SLC13A4: variants seen among roughly 807,000 people sequenced by gnomAD.
The protein encoded by SLC13A4 is Na(+)/sulfate cotransporter SUT-1.
SLC13A4 carries 28 observed loss-of-function variants against 72.7 expected under a neutral mutation model. The ratio of observed to expected loss-of-function variants is 0.39; its 90% confidence interval spans 0.29 to 0.53. The LOEUF (loss-of-function observed/expected upper bound fraction) is 0.53, where lower values mean the gene tolerates loss of function less well. Ranked by LOEUF, SLC13A4 falls within the 20% of genes least tolerant of loss-of-function variation. SLC13A4 has a pLI of 0.78. For missense variants in SLC13A4, 653 were observed against 788.0 expected (o/e 0.83, Z 2.05); for synonymous variants, 312 against 325.5 (o/e 0.96, Z 0.45).
intron 7 of SLC13A4, among the ~76,000 whole-genome samples, chr7:135,700,783 T>C (rs539960042): frequency 6.6e-6 from 1 of 152,294 alleles, no homozygotes; most frequent in Non-Finnish European, 1.5e-5. Flanking sequence ...TAGCTGGGAC[T>C]ACAGGCATGC....
intron 2 of SLC13A4, among the ~76,000 whole-genome samples, chr7:135,711,528 C>T (rs1796299864): frequency 6.6e-6 from 1 of 152,176 alleles, no homozygotes; most frequent in Non-Finnish European, 1.5e-5. Context: ...GCAGCACTAT[C>T]CGTATCTCAG....
chr7:135,706,751 A>T (rs1796172970), intron 3 of SLC13A4, among the ~76,000 whole-genome samples: 1 of 152,224 alleles, frequency 6.6e-6, no homozygotes, highest in South Asian at 2.1e-4. Flanking sequence ...CATAGATATC[A>T]GTGACCCAAT....
At chr7:135,713,612 C>T (rs539342129) in intron 2 of SLC13A4, among the ~76,000 whole-genome samples, 1 of 152,242 alleles carries the variant, frequency 6.6e-6, no homozygotes, top group South Asian at 2.1e-4. Flanking sequence ...GAGTCTCACT[C>T]TGTTGCCCAG....
chr7:135,703,394 A>ACTCTCATGTTCTCACTGG (rs1563163299), intron 5 of SLC13A4: 1 of 157,930 alleles, frequency 6.3e-6, no homozygotes, highest in Non-Finnish European at 1.4e-5. Context: ...GTTCTCACTG[A>ACTCTCATGTTCTCACTGG]CTGACTCTGG....
intron 1 of SLC13A4, among the ~76,000 whole-genome samples, chr7:135,723,067 A>G (rs1796580715): frequency 6.6e-6 from 1 of 152,146 alleles, no homozygotes; most frequent in African/African-American, 2.4e-5. Context: ...CCACTGTGAC[A>G]AGCAAAAAAC....
intron 2 of SLC13A4, among the ~76,000 whole-genome samples, chr7:135,715,428 A>T (rs879848527): frequency 2.7e-5 from 4 of 148,558 alleles, no homozygotes; most frequent in Non-Finnish European, 4.5e-5. Flanking sequence ...TGAGTGTGTG[A>T]GCGTGTGTAT....
intron 11 of SLC13A4, 45 bp downstream of exon 11, chr7:135,692,278 T>C (rs1795804999): frequency 9.6e-6 from 13 of 1,348,854 alleles, no homozygotes; most frequent in African/African-American, 1.4e-5. Flanking sequence ...GCCTGAAGAA[T>C]TGGGGTGAGG....
chr7:135,692,207 A>G (rs1351581005), intron 11 of SLC13A4, 116 bp downstream of exon 11: 3 of 791,278 alleles, frequency 3.8e-6, no homozygotes, highest in Admixed American at 4.8e-5. Flanking sequence ...AAAAGAGTGG[A>G]TTTCCTGGGG....
chr7:135,687,645 G>A (rs887640766), intron 13 of SLC13A4, among the ~76,000 whole-genome samples: 1 of 152,278 alleles, frequency 6.6e-6, no homozygotes, highest in Middle Eastern at 3.4e-3. Flanking sequence ...GAGCCCCAAG[G>A]CCTCCAGGAA....
intron 4 of SLC13A4, chr7:135,705,865 T>C: frequency 1.7e-6 from 1 of 580,916 alleles, no homozygotes; most frequent in African/African-American, 1.9e-5. Context: ...CAAAGAGCAG[T>C]GTGTACCCTT....
chr7:135,712,330 T>A (rs1350821566), intron 2 of SLC13A4, among the ~76,000 whole-genome samples: 1 of 151,640 alleles, frequency 6.6e-6, no homozygotes, highest in Non-Finnish European at 1.5e-5. Flanking sequence ...GGCCTGGGGC[T>A]CAGGATATAG....
rs201032298 is a variant in SLC13A4 at position 135,715,406 on chromosome 7, TG to T, written c.228+5988del. Among the ~76,000 whole-genome samples, 43 of 132,210 alleles carry T rather than the reference TG, an allele frequency of 3.3e-4. No individual in the cohort carries two copies. In the East Asian group the frequency reaches 6.4e-3, roughly 20 times the overall value. The allele number at this position is 132,210 out of a possible 152,430, so 86.7% of individuals were successfully genotyped here. A position where few individuals can be genotyped will look rare whatever the true frequency, so the allele number is the denominator to read the frequency against. On this transcript the variant is annotated intron_variant, in intron 2 of 15. Transcript: ENST00000682651. ...GTGTGTATGTGTGAACATGTGTGTATGAGTGTGTGTATGAGTGTGTGAGCGT... is the reference window on the plus strand; with the variant it reads ...GTGTGTATGTGTGAACATGTGTGTATAGTGTGTGTATGAGTGTGTGAGCGT...
At chr7:135,697,353 A>G (rs1364437241) in intron 8 of SLC13A4, among the ~76,000 whole-genome samples, 3 of 152,016 alleles carry the variant, frequency 2.0e-5, no homozygotes, top group African/African-American at 7.3e-5. Flanking sequence ...TTTCCCCTCT[A>G]TTCCTTCACA....
chr7:135,714,078 G>A, intron 2 of SLC13A4, among the ~76,000 whole-genome samples: 1 of 152,214 alleles, frequency 6.6e-6, no homozygotes, highest in East Asian at 1.9e-4. Context: ...TGCCGGGTAA[G>A]CCCCTAGCAG....
At chr7:135,726,981 A>G (rs1414071309) in intron 1 of SLC13A4, among the ~76,000 whole-genome samples, 2 of 152,124 alleles carry the variant, frequency 1.3e-5, no homozygotes, top group Non-Finnish European at 2.9e-5. Flanking sequence ...CAGTGCCACT[A>G]TTGGGAGCTC....
At chr7:135,715,246 TATGTGTATGAGTGTGGGC>T (rs1410380351) in intron 2 of SLC13A4, among the ~76,000 whole-genome samples, 2 of 151,724 alleles carry the variant, frequency 1.3e-5, no homozygotes, top group African/African-American at 2.4e-5. Context: ...TGTGTATGTG[TATGTGTATGAGTGTGGGC>T]ATGTGTATGA....
chr7:135,719,560 T>C (rs1346167844), intron 2 of SLC13A4, among the ~76,000 whole-genome samples: 1 of 152,174 alleles, frequency 6.6e-6, no homozygotes, highest in East Asian at 1.9e-4. Flanking sequence ...GGTTGCTTTT[T>C]TCTTTAGGCA....
chr7:135,696,753 C>T (rs1326588196), intron 8 of SLC13A4, among the ~76,000 whole-genome samples: 1 of 152,212 alleles, frequency 6.6e-6, no homozygotes, highest in Non-Finnish European at 1.5e-5. Flanking sequence ...CAGAATCTGG[C>T]TGCTTCTCCC....
intron 2 of SLC13A4, among the ~76,000 whole-genome samples, chr7:135,715,396 CATGTGTGTATGA>C (rs1456440271): frequency 1.6e-5 from 2 of 127,506 alleles, no homozygotes; most frequent in African/African-American, 3.2e-5. Context: ...TATGTGTGAA[CATGTGTGTATGA>C]GTGTGTGTAT....
Sources: gnomAD v4.1 joint callset for allele counts (sites outside exome capture counted in the v4.1 genomes callset) on GRCh38, gnomAD v4.1.1 for gene constraint, MANE v1.5 for transcripts, NCBI Gene and HGNC (gene_info 2026-07-23, HGNC 2026-07-21) for gene names.